Variants in CCDC39 observed in about 807,000 individuals in gnomAD.
CCDC39 encodes coiled-coil domain 39 molecular ruler complex subunit.
CCDC39 carries 113 observed loss-of-function variants against 121.0 expected under a neutral mutation model. The observed-to-expected ratio is 0.93, with a 90% confidence interval of 0.80 to 1.09. The LOEUF (loss-of-function observed/expected upper bound fraction) is 1.09, where lower values mean the gene tolerates loss of function less well. Among genes scored for constraint, CCDC39 ranks in the 50% least tolerant of loss-of-function variants. The probability of loss-of-function intolerance (pLI) is 0.00; values close to 1 mark genes in which losing one functional copy is unlikely to be tolerated. For missense variants in CCDC39, 1,063 were observed against 1,074.7 expected (o/e 0.99, Z 0.15); for synonymous variants, 349 against 352.2 (o/e 0.99, Z 0.10).
intron 1 of CCDC39, among the ~76,000 whole-genome samples, chr3:180,676,535 A>T (rs1336686444): frequency 2.6e-5 from 4 of 152,244 alleles, no homozygotes; most frequent in Non-Finnish European, 5.9e-5. Context: ...ACACTTTTAC[A>T]CTGTTGGTGG....
chr3:180,675,931 T>G (rs944498110), intron 1 of CCDC39, among the ~76,000 whole-genome samples: 3 of 152,144 alleles, frequency 2.0e-5, no homozygotes, highest in Non-Finnish European at 4.4e-5. Flanking sequence ...TGGGAAAACC[T>G]GCTAGCCATA....
chr3:180,626,161 C>T (rs1717553612), intron 14 of CCDC39, among the ~76,000 whole-genome samples: 1 of 152,038 alleles, frequency 6.6e-6, no homozygotes, highest in African/African-American at 2.4e-5. Context: ...GTTGGTAGTG[C>T]ATGGGAGTGG....
Position 180,631,562 on chromosome 3 carries a change from A to G in CCDC39, c.1905T>C (p.Ile635=). ...TTTCATATCTATTCTTCAGCTTCTC[A>G]ATTTTACTTAGCCGCTCGCGAAACT... ...STEFRERLSK[I]EKLKNRYEIL... The change falls in exon 14 of 20, where the codon ATT becomes ATC. Residue 635 remains isoleucine (I), a synonymous_variant. Coordinates refer to ENST00000476379, the MANE Select transcript of CCDC39 (RefSeq NM_181426.2). 2 of 1,609,038 alleles carry G rather than the reference A, an allele frequency of 1.2e-6. No individual in the cohort carries two copies. The highest frequency in any genetic ancestry group is 2.2e-5 in the South Asian group (2 of 90,694).
intron 11 of CCDC39, among the ~76,000 whole-genome samples, chr3:180,644,998 A>G (rs371109180): frequency 1.2e-4 from 19 of 152,272 alleles, no homozygotes; most frequent in African/African-American, 4.1e-4. Flanking sequence ...GATATCAACA[A>G]TCTGAGAAAC....
intron 16 of CCDC39, among the ~76,000 whole-genome samples, chr3:180,619,053 C>A (rs1044378538): frequency 6.6e-6 from 1 of 152,030 alleles, no homozygotes; most frequent in Non-Finnish European, 1.5e-5. Flanking sequence ...TCAGGGCTTA[C>A]CACTAGGATT....
At chr3:180,615,188 G>A in intron 19 of CCDC39, 111 bp from the exon 20 acceptor site, 1 of 739,054 alleles carries the variant, frequency 1.4e-6, no homozygotes, top group Non-Finnish European at 2.1e-6. Flanking sequence ...CATCAAAAAA[G>A]TACATATTAA....
At chr3:180,643,969 A>G (rs1418582355) in intron 12 of CCDC39, 151 bp downstream of exon 12, 3 of 516,154 alleles carry the variant, frequency 5.8e-6, no homozygotes. Context: ...ACAAGACTGG[A>G]GGGAAATTAT....
intron 11 of CCDC39, 64 bp downstream of exon 11, chr3:180,647,015 C>T (rs1718081415): frequency 6.8e-7 from 1 of 1,479,186 alleles, no homozygotes; most frequent in Admixed American, 2.0e-5. Flanking sequence ...GTCTTAAGAA[C>T]ATGTTGTCCT....
chr3:180,635,524 C>G (rs1267283962), intron 13 of CCDC39, among the ~76,000 whole-genome samples: 44 of 152,176 alleles, frequency 2.9e-4, no homozygotes. Flanking sequence ...GGTAAATGTT[C>G]CTGTTCCAAA....
intron 1 of CCDC39, among the ~76,000 whole-genome samples, chr3:180,675,448 T>C (rs1398753491): frequency 1.3e-5 from 2 of 152,188 alleles, no homozygotes; most frequent in African/African-American, 4.8e-5. Flanking sequence ...GATTCATTGA[T>C]TTTTTGAAGG....
chr3:180,660,536 G>T, intron 4 of CCDC39, 34 bp downstream of exon 4: 1 of 1,521,364 alleles, frequency 6.6e-7, no homozygotes. Flanking sequence ...CAGAGTTAGA[G>T]AAAACCTAAC....
intron 15 of CCDC39, 84 bp from the exon 16 acceptor site, chr3:180,619,449 A>C (rs936436435): frequency 5.5e-6 from 4 of 732,166 alleles, no homozygotes; most frequent in Non-Finnish European, 6.8e-6. Flanking sequence ...TTGCACCAAT[A>C]TTTTTGTTAT....
At chr3:180,627,768 AAAGACCAAAGACAGGAGCTTACTAC>A (rs1259468418) in intron 14 of CCDC39, among the ~76,000 whole-genome samples, 14 of 152,192 alleles carry the variant, frequency 9.2e-5, no homozygotes, top group Non-Finnish European at 1.6e-4. Context: ...CCCATAGAAC[AAAGACCAAAGACAGGAGCTTACTAC>A]AAGACCAAAG....
chr3:180,647,966 T>A (rs1165875118), intron 10 of CCDC39, among the ~76,000 whole-genome samples, 199 bp downstream of exon 10: 1 of 152,078 alleles, frequency 6.6e-6, no homozygotes, highest in Non-Finnish European at 1.5e-5. Flanking sequence ...TCTTGCCTGT[T>A]TATTTCAGAT....
chr3:180,639,427 C>A (rs530695775), intron 13 of CCDC39, among the ~76,000 whole-genome samples: 1 of 151,928 alleles, frequency 6.6e-6, no homozygotes, highest in Admixed American at 6.6e-5. Flanking sequence ...ATATATACAC[C>A]ATGGAATACT....
At chr3:180,674,735 A>G (rs1308943937) in intron 1 of CCDC39, among the ~76,000 whole-genome samples, 2 of 152,194 alleles carry the variant, frequency 1.3e-5, no homozygotes, top group Admixed American at 1.3e-4. Flanking sequence ...TATTGAGATA[A>G]TCATGTGGTT....
Position 180,661,978 on chromosome 3 carries a change from A to G in CCDC39, c.240T>C (p.Thr80=). The G allele has an allele frequency of 6.4e-7, 1 of 1,554,800 alleles. No homozygotes were observed. The highest frequency in any genetic ancestry group is 8.7e-7 in the Non-Finnish European group (1 of 1,148,196). Residue 80 remains threonine (T), a synonymous_variant, in exon 3 of 20, where the codon ACT becomes ACC. Transcript: ENST00000476379. ...TGGCCTTAAAATGTTCTTCACTTTC[A>G]GTCTCACGCTCCCTTGCTTTGCAAA... is the stretch of plus-strand genomic sequence containing the variant. ...QSLCKARERE[T]ESEEHFKAIA...
Position 180,679,213 on chromosome 3 carries a change from C to T in CCDC39, c.90+78G>A. ...TTAGGAAAGGAGAGAAATAAAAGGG[C>T]TGGGGTAGTACTGCCAACCAGAAAA... On this transcript the variant is annotated intron_variant, in intron 1 of 19. Transcript: ENST00000476379. The surrounding 1 kb of genome is among the most constrained non-coding windows in gnomAD (Gnocchi z 4.0). 9.7e-7 allele frequency: 1 copy of T among 1,031,048 alleles called. No individual in the cohort carries two copies. The highest frequency in any genetic ancestry group is 1.5e-6 in the Non-Finnish European group (1 of 647,810). 63.9% of individuals were successfully genotyped at this position (1,031,048 alleles called of 1,614,324 possible). A position where few individuals can be genotyped will look rare whatever the true frequency, so the allele number is the denominator to read the frequency against.
chr3:180,647,359 A>G, intron 10 of CCDC39, 116 bp from the exon 11 acceptor site: 1 of 817,590 alleles, frequency 1.2e-6, no homozygotes, highest in South Asian at 1.9e-5. Context: ...CATGTAATAA[A>G]GTCACTTTAG....
Sources: allele counts gnomAD v4.1 joint callset (sites outside exome capture counted in the v4.1 genomes callset), GRCh38; gene constraint gnomAD v4.1.1; non-coding constraint Gnocchi (gnomAD v3.1); transcripts MANE v1.5; gene names NCBI Gene and HGNC (gene_info 2026-07-23, HGNC 2026-07-21).